The following ITGAL variants were observed in gnomAD, a reference collection of about 807,000 sequenced individuals.
The protein encoded by ITGAL is integrin alpha-L.
Under a neutral mutation model 138.4 loss-of-function variants are expected in ITGAL, and 68 were observed. That is an observed-to-expected ratio of 0.49 (90% CI 0.40 to 0.60). The LOEUF (loss-of-function observed/expected upper bound fraction) is 0.60. Among genes scored for constraint, ITGAL ranks in the 20% least tolerant of loss-of-function variants. ITGAL has a pLI of 0.00. For synonymous variants in ITGAL, 561 were observed against 584.3 expected, an observed-to-expected ratio of 0.96 and a Z score of 0.57; for missense variants, 1,256 against 1,478.6, an observed-to-expected ratio of 0.85 and a Z score of 2.47.
chr16:30,520,807 G>A (rs996690766), intron 30 of ITGAL, among the ~76,000 whole-genome samples: 3 of 152,146 alleles, frequency 2.0e-5, no homozygotes, highest in Admixed American at 1.3e-4. Context: ...GATGAAGGCC[G>A]GGTACGGTGG....
At chr16:30,517,994 G>A in intron 28 of ITGAL, 99 bp downstream of exon 28, 1 of 914,982 alleles carries the variant, frequency 1.1e-6, no homozygotes, top group Non-Finnish European at 1.8e-6. Context: ...CTCCATTTTT[G>A]TTTTCCATCT....
At chr16:30,480,160 G>T (rs2050533035) in intron 6 of ITGAL, among the ~76,000 whole-genome samples, 1 of 148,248 alleles carries the variant, frequency 6.7e-6, no homozygotes, top group Non-Finnish European at 1.5e-5. Flanking sequence ...CCAAACTCCT[G>T]GATCTCTCAA....
intron 2 of ITGAL, chr16:30,474,582 C>G: frequency 5.0e-6 from 2 of 397,704 alleles, no homozygotes; most frequent in Non-Finnish European, 9.3e-6. Context: ...TCCCTTACTC[C>G]CCTGCGAGCG....
intron 21 of ITGAL, among the ~76,000 whole-genome samples, chr16:30,509,965 C>T (rs532177696): frequency 4.0e-5 from 6 of 151,434 alleles, no homozygotes; most frequent in Admixed American, 3.3e-4. Context: ...CTTGAGCCTG[C>T]GAGTCAGAGG....
chr16:30,475,383 T>A lies in ITGAL; in HGVS notation c.242T>A (p.Leu81Gln). 1.2e-6 allele frequency: 2 copies of A among 1,613,682 alleles called. No individual in the cohort carries two copies. Among genetic ancestry groups the A allele is most frequent in the Non-Finnish European group, 8.5e-7 (1 of 1,179,636 alleles). Reference sequence around the variant, plus strand: ...TGCCAGTCGGGCACAGGACACTGCCTGCCAGTCACCCTGAGAGGTGAGTAA... The same window carrying A: ...TGCCAGTCGGGCACAGGACACTGCCAGCCAGTCACCCTGAGAGGTGAGTAA... ...YQCQSGTGHC[L>Q]PVTLRGSNYT... is the part of the protein sequence containing the mutation. The change falls in exon 3 of 31, where the codon CTG (leucine) becomes CAG (glutamine). Residue 81 changes from leucine to glutamine, a missense_variant. By Grantham distance (113) the Leu-to-Gln change is moderately radical. This residue lies in a region of ITGAL where 212 missense variants were observed against 217.4 expected (regional missense o/e 0.98). Coordinates refer to ENST00000356798, the MANE Select transcript of ITGAL (RefSeq NM_002209.3).
intron 15 of ITGAL, among the ~76,000 whole-genome samples, chr16:30,498,260 T>G (rs1354060763): frequency 4.0e-5 from 4 of 99,806 alleles, no homozygotes; most frequent in African/African-American, 4.0e-5. Flanking sequence ...AAGAGGAGGA[T>G]CTCAAAAAAA....
At chr16:30,502,192 T>C (rs2151163722) in intron 17 of ITGAL, among the ~76,000 whole-genome samples, 1 of 147,080 alleles carries the variant, frequency 6.8e-6, no homozygotes, top group African/African-American at 2.5e-5. Flanking sequence ...GGTGAGGAGA[T>C]TGAGACCATC....
chr16:30,518,512 A>AC lies in ITGAL; in HGVS notation c.3133-106dup, dbSNP rs966693038. The AC allele has an allele frequency of 5.6e-6, 4 of 714,672 alleles. No individual in the cohort carries two copies. The African/African-American group carries it at 7.2e-5, about 13-fold the overall frequency. The allele number at this position is 714,672 out of a possible 1,614,324, so 44.3% of individuals were successfully genotyped here. A position where few individuals can be genotyped will look rare whatever the true frequency, so the allele number is the denominator to read the frequency against. ...TAGAGAGTTGTGTAGAGATGGGTGC[A>AC]CCCCCCTGGAACCCCTTCTCTGCCC... On this transcript the variant is annotated intron_variant, in intron 28 of 30. Coordinates refer to ENST00000356798, the MANE Select transcript of ITGAL (RefSeq NM_002209.3).
chr16:30,479,546 G>T (rs1201132479), intron 6 of ITGAL, 85 bp downstream of exon 6: 7 of 1,363,106 alleles, frequency 5.1e-6, no homozygotes, highest in Admixed American at 2.0e-5. Flanking sequence ...ATGTTAGTAT[G>T]TGGAATCCTC....
chr16:30,504,375 G>A (rs1006970259), intron 18 of ITGAL, 111 bp downstream of exon 18: 18 of 803,788 alleles, frequency 2.2e-5, no homozygotes, highest in African/African-American at 1.9e-4. Flanking sequence ...ACTTTGGGAG[G>A]CTGAAGTGGG....
At chr16:30,515,867 G>T (rs2051158745) in intron 25 of ITGAL, among the ~76,000 whole-genome samples, 1 of 152,108 alleles carries the variant, frequency 6.6e-6, no homozygotes, top group Non-Finnish European at 1.5e-5. Context: ...AGCTACTGGG[G>T]AGGCTGAGGC....
At chr16:30,505,674 G>C (rs531365327) in intron 20 of ITGAL, among the ~76,000 whole-genome samples, 5 of 152,016 alleles carry the variant, frequency 3.3e-5, no homozygotes, top group Non-Finnish European at 5.9e-5. Flanking sequence ...TTAAGGCCAA[G>C]AGTTCAAGAC....
chr16:30,518,579 T>C (rs750342594), intron 28 of ITGAL, 45 bp from the exon 29 acceptor site: 1 of 1,387,146 alleles, frequency 7.2e-7, no homozygotes, highest in Admixed American at 1.7e-5. Flanking sequence ...CAGTGGGTTC[T>C]GTCCTCGTTC....
In ITGAL at chr16:30,504,162, T is replaced by C; in HGVS notation, c.2146-13T>C. ...TAGATTCATGACATAGGCTGTATTC[T>C]TATCACCCTCAGGTATGTGTTCAAG... On this transcript the variant is annotated splice_polypyrimidine_tract_variant and intron_variant, in intron 17 of 30. Coordinates refer to ENST00000356798, the MANE Select transcript of ITGAL (RefSeq NM_002209.3). 1.9e-6 allele frequency: 3 copies of C among 1,596,368 alleles called. No homozygotes were observed. The highest frequency in any genetic ancestry group is 2.6e-6 in the Non-Finnish European group (3 of 1,163,990).
chr16:30,476,715 C>T (rs1462454847), intron 4 of ITGAL, among the ~76,000 whole-genome samples: 2 of 151,648 alleles, frequency 1.3e-5, no homozygotes, highest in Non-Finnish European at 2.9e-5. Flanking sequence ...TCACTGCAAC[C>T]TCCGCCTCCT....
At chr16:30,483,758 G>A in intron 7 of ITGAL, 69 bp from the exon 8 acceptor site, 1 of 1,501,994 alleles carries the variant, frequency 6.7e-7, no homozygotes, top group Non-Finnish European at 9.0e-7. Context: ...GACTTGATGA[G>A]CAGGTGGGGA....
intron 7 of ITGAL, among the ~76,000 whole-genome samples, chr16:30,483,366 C>T (rs889619939): frequency 3.3e-5 from 5 of 152,092 alleles, no homozygotes; most frequent in African/African-American, 1.2e-4. Flanking sequence ...GGTAGAGATC[C>T]GGAGGCAGCC....
intron 15 of ITGAL, among the ~76,000 whole-genome samples, chr16:30,498,024 AT>A: frequency 6.6e-6 from 1 of 151,814 alleles, no homozygotes; most frequent in African/African-American, 2.4e-5. Flanking sequence ...TGGGTGGATC[AT>A]TTGAGGTCAG....
intron 18 of ITGAL, chr16:30,504,780 G>C (rs2050959463): frequency 6.5e-6 from 1 of 154,828 alleles, no homozygotes; most frequent in Non-Finnish European, 1.4e-5. Context: ...ACTTTGGAAG[G>C]CTGAGGGGGG....
Sources: gnomAD v4.1 joint callset for allele counts (sites outside exome capture counted in the v4.1 genomes callset) on GRCh38, gnomAD v4.1.1 for gene constraint, gnomAD v4.1.1 regional missense constraint, MANE v1.5 for transcripts, NCBI Gene and HGNC (gene_info 2026-07-23, HGNC 2026-07-21) for gene names.